Variants in EPB41L2 observed in about 807,000 individuals in gnomAD.
EPB41L2 encodes erythrocyte membrane protein band 4.1 like 2, also known as band 4.1-like protein 2.
Under a neutral mutation model 113.0 loss-of-function variants are expected in EPB41L2, and 43 were observed. The observed-to-expected ratio is 0.38, with a 90% CI of 0.30 to 0.49. The LOEUF (loss-of-function observed/expected upper bound fraction) is 0.49, where lower values mean the gene tolerates loss of function less well. Ranked by LOEUF, EPB41L2 falls within the 20% of genes least tolerant of loss-of-function variation. The pLI is 0.95. For missense variants in EPB41L2, 1,147 were observed against 1,223.4 expected, an observed-to-expected ratio of 0.94 and a Z score of 0.93; for synonymous variants, 442 against 436.7, an observed-to-expected ratio of 1.01 and a Z score of -0.15.
chr6:130,889,583 A>G (rs1311915918), intron 11 of EPB41L2, among the ~76,000 whole-genome samples: 1 of 152,186 alleles, frequency 6.6e-6, no homozygotes, highest in Non-Finnish European at 1.5e-5. Context: ...CATAAGATGG[A>G]AAGTTTGGTA....
chr6:131,048,800 C>G (rs562474389), intron 1 of EPB41L2, among the ~76,000 whole-genome samples: 1 of 152,234 alleles, frequency 6.6e-6, no homozygotes, highest in East Asian at 1.9e-4. Flanking sequence ...TTTTCTGTAA[C>G]TGATAATGGT....
chr6:130,902,384 A>T (rs1449764416), intron 6 of EPB41L2, among the ~76,000 whole-genome samples: 1 of 152,152 alleles, frequency 6.6e-6, no homozygotes, highest in Admixed American at 6.5e-5. Flanking sequence ...ACCCAAATAC[A>T]TCATCAGGCA....
chr6:130,863,763 G>T, intron 17 of EPB41L2, 45 bp from the exon 18 acceptor site: 1 of 1,402,624 alleles, frequency 7.1e-7, no homozygotes, highest in Non-Finnish European at 1.0e-6. Context: ...AATCACTGAA[G>T]CACGTTTACA....
At position 130,956,074 on chromosome 6, in the gene EPB41L2, C is replaced by G. The variant is rs1202177891; in HGVS notation, c.412G>C (p.Glu138Gln). Residue 138 changes from glutamate to glutamine, a missense_variant, in exon 2 of 20, where the codon GAG becomes CAG. Physicochemically the swap from Glu to Gln is conservative, Grantham distance 29. Coordinates refer to ENST00000337057, the MANE Select transcript of EPB41L2 (RefSeq NM_001431.4). ...TCTTCCTTGACTTCAACTTTAATCT[C>G]TTGTTTCTTCTGAGCCATTTCTTCA... ...DAEEMAQKKQ[E>Q]IKVEVKEEKP... 1.9e-6 allele frequency: 3 copies of G among 1,614,094 alleles called. No individual in the cohort carries two copies. Among genetic ancestry groups the G allele is most frequent in the Non-Finnish European group, 2.5e-6 (3 of 1,180,024 alleles).
intron 3 of EPB41L2, 36 bp downstream of exon 3, chr6:130,955,069 A>C: frequency 1.9e-6 from 3 of 1,573,418 alleles, no homozygotes; most frequent in Non-Finnish European, 2.6e-6. Flanking sequence ...CACAATCCAC[A>C]TATCAAGCTA....
At chr6:130,891,452 C>CTTACTTACTT in intron 10 of EPB41L2, among the ~76,000 whole-genome samples, 1 of 135,156 alleles carries the variant, frequency 7.4e-6, no homozygotes, top group Admixed American at 7.6e-5. Context: ...TACTTACTTA[C>CTTACTTACTT]TTATTTAATT....
rs778917123 is a variant in EPB41L2 at position 130,956,021 on chromosome 6, T to A, written c.465A>T (p.Lys155Asn). Reference protein sequence around the residue: ...EEKPSVSKEEKPSVSKVEMQP... With the variant: ...EEKPSVSKEENPSVSKVEMQP... The stretch of plus-strand genomic sequence containing the variant: ...GCATCTCCACTTTGCTCACTGAGGG[T>A]TTTTCTTCCTTGCTCACTGAGGGTT... Residue 155 changes from lysine to asparagine, a missense_variant, in exon 2 of 20, where the codon AAA becomes AAT. By Grantham distance (94) the Lys-to-Asn change is moderately conservative. Coordinates refer to ENST00000337057, the MANE Select transcript of EPB41L2 (RefSeq NM_001431.4). 6.2e-7 allele frequency: 1 copy of A among 1,612,370 alleles called. No homozygotes were observed. Among genetic ancestry groups the A allele is most frequent in the African/African-American group, 1.3e-5 (1 of 74,718 alleles).
intron 4 of EPB41L2, among the ~76,000 whole-genome samples, chr6:130,915,553 A>T (rs1353228720): frequency 2.0e-5 from 3 of 152,218 alleles, no homozygotes. Context: ...AATACCATTT[A>T]TGCTAGCCAA....
At chr6:131,058,725 C>G (rs939906348) in intron 1 of EPB41L2, among the ~76,000 whole-genome samples, 1 of 152,148 alleles carries the variant, frequency 6.6e-6, no homozygotes, top group Non-Finnish European at 1.5e-5. Context: ...TTAGCTATAA[C>G]TATAAACCGG....
chr6:130,863,142 T>G, intron 18 of EPB41L2, among the ~76,000 whole-genome samples: 1 of 152,222 alleles, frequency 6.6e-6, no homozygotes, highest in Admixed American at 6.5e-5. Context: ...AAATTTTCAC[T>G]TTGTAAGAAA....
intron 11 of EPB41L2, among the ~76,000 whole-genome samples, chr6:130,887,738 G>A (rs1791517881): frequency 6.6e-6 from 1 of 152,134 alleles, no homozygotes; most frequent in South Asian, 2.1e-4. Flanking sequence ...CAACTGACCT[G>A]GTTCTTCCTC....
At chr6:130,938,859 G>C (rs941199553) in intron 3 of EPB41L2, among the ~76,000 whole-genome samples, 5 of 152,230 alleles carry the variant, frequency 3.3e-5, no homozygotes, top group Non-Finnish European at 7.4e-5. Flanking sequence ...CTGTTACTTA[G>C]CTGCTTATCT....
chr6:130,864,421 T>C (rs901225785), intron 17 of EPB41L2, among the ~76,000 whole-genome samples: 1 of 152,176 alleles, frequency 6.6e-6, no homozygotes, highest in Non-Finnish European at 1.5e-5. Context: ...CACGTAGACA[T>C]GGCGCATGGC....
At chr6:131,042,136 C>T (rs80194800) in intron 1 of EPB41L2, among the ~76,000 whole-genome samples, 7 of 152,134 alleles carry the variant, frequency 4.6e-5, no homozygotes, top group Non-Finnish European at 7.4e-5. Context: ...CATTATTCTA[C>T]TCTATGTTTG....
chr6:130,924,832 C>G (rs1045486851), intron 4 of EPB41L2, among the ~76,000 whole-genome samples: 1 of 152,164 alleles, frequency 6.6e-6, no homozygotes. Flanking sequence ...GAGTGGAGAT[C>G]CTTATAGGTG....
Position 130,933,207 on chromosome 6 carries a change from A to G in EPB41L2, c.706-6498T>C, listed in dbSNP as rs1807516932. On this transcript the variant is annotated intron_variant, in intron 3 of 19. Transcript: ENST00000337057. ...ACTTTCGCTGTCATTTCTTCTTGCT[A>G]TCTGAAGCATGCCTTTGCTTTGTTT... Among the ~76,000 whole-genome samples the G allele has an allele frequency of 2.0e-5, 3 of 152,316 alleles. No homozygotes were observed. The Middle Eastern group carries it at 0.01, about 518-fold the overall frequency.
chr6:131,045,375 G>GAATATTTAATATTTAAATATTAATTT (rs1795253331), intron 1 of EPB41L2, among the ~76,000 whole-genome samples: 2 of 104,156 alleles, frequency 1.9e-5, no homozygotes, highest in Non-Finnish European at 2.2e-5. Context: ...ATTTAAAAAT[G>GAATATTTAATATTTAAATATTAATTT]ATGAGATGCT....
intron 15 of EPB41L2, 132 bp from the exon 16 acceptor site, chr6:130,867,713 A>T (rs1206826600): frequency 8.6e-7 from 1 of 1,159,642 alleles, no homozygotes; most frequent in Admixed American, 2.5e-5. Context: ...GAGTAAAAGC[A>T]AACAACCTAA....
intron 14 of EPB41L2, among the ~76,000 whole-genome samples, chr6:130,870,957 T>C (rs1019862378): frequency 4.6e-5 from 7 of 152,096 alleles, no homozygotes; most frequent in East Asian, 1.9e-4. Flanking sequence ...TATTATACAA[T>C]AGGGTGGGTG....
Sources: allele counts gnomAD v4.1 joint callset (sites outside exome capture counted in the v4.1 genomes callset), GRCh38; gene constraint gnomAD v4.1.1; transcripts MANE v1.5; gene names NCBI Gene and HGNC (gene_info 2026-07-23, HGNC 2026-07-21).